LIMCH1: variants seen among roughly 807,000 people sequenced by gnomAD.
LIMCH1 encodes the protein LIM and calponin homology domains 1.
LIMCH1 carries 113 observed loss-of-function variants against 176.5 expected under a neutral mutation model. The ratio of observed to expected loss-of-function variants is 0.64; its 90% CI spans 0.55 to 0.75. The LOEUF is 0.75. LIMCH1 is among the 30% of genes least tolerant of loss of function. The probability of loss-of-function intolerance (pLI) is 0.00; values close to 1 mark genes in which losing one functional copy is unlikely to be tolerated. For synonymous variants in LIMCH1, 619 were observed against 645.9 expected (o/e 0.96, Z 0.63); for missense variants, 1,674 against 1,814.9 (o/e 0.92, Z 1.41).
chr4:41,686,017 A>G (rs553766245), intron 28 of LIMCH1, among the ~76,000 whole-genome samples, 187 bp downstream of exon 28: 70 of 152,302 alleles, frequency 4.6e-4, no homozygotes, highest in South Asian at 1.0e-3. Context: ...TGGCAAGTAA[A>G]TATGTACTCT....
At chr4:41,661,189 A>G (rs2094605628) in intron 18 of LIMCH1, among the ~76,000 whole-genome samples, 1 of 152,188 alleles carries the variant, frequency 6.6e-6, no homozygotes, top group African/African-American at 2.4e-5. Context: ...TGTGCGTCCA[A>G]GGCAGTCATA....
chr4:41,422,681 T>C (rs570479420), intron 1 of LIMCH1, among the ~76,000 whole-genome samples: 6 of 152,332 alleles, frequency 3.9e-5, no homozygotes, highest in African/African-American at 1.4e-4. Context: ...ACTAAAAAGC[T>C]GTTTAGCTTG....
At chr4:41,405,495 G>A (rs1327552426) in intron 1 of LIMCH1, among the ~76,000 whole-genome samples, 1 of 152,016 alleles carries the variant, frequency 6.6e-6, no homozygotes, top group Non-Finnish European at 1.5e-5. Flanking sequence ...ATTCATCTTT[G>A]CTTGGTCTTG....
intron 18 of LIMCH1, among the ~76,000 whole-genome samples, chr4:41,655,756 G>A (rs1266530706): frequency 1.3e-5 from 2 of 151,392 alleles, no homozygotes; most frequent in Admixed American, 6.6e-5. Flanking sequence ...GCAATTCTCC[G>A]GGGCTCAAGG....
intron 1 of LIMCH1, among the ~76,000 whole-genome samples, chr4:41,440,977 T>C (rs11943792): frequency 0.025 from 3,736 of 152,322 alleles, 151 homozygotes; most frequent in African/African-American, 0.085. Context: ...AGTCTTTGAT[T>C]CTGATTGTTC....
chr4:41,367,866 T>TA (rs750045066), intron 1 of LIMCH1, among the ~76,000 whole-genome samples: 6,918 of 90,882 alleles, frequency 0.076, 246 homozygotes, highest in Middle Eastern at 0.16. Context: ...GACTCCATCA[T>TA]AAAAAAAAAA....
intron 10 of LIMCH1, among the ~76,000 whole-genome samples, chr4:41,631,869 A>G (rs1164812195): frequency 6.6e-6 from 1 of 152,222 alleles, no homozygotes; most frequent in Non-Finnish European, 1.5e-5. Flanking sequence ...GAGAGAAAGA[A>G]AAAGTTATTA....
At chr4:41,491,167 C>T (rs1303423633) in intron 1 of LIMCH1, among the ~76,000 whole-genome samples, 23 of 141,734 alleles carry the variant, frequency 1.6e-4, no homozygotes, top group South Asian at 4.6e-4. Flanking sequence ...ACGGGGCGGC[C>T]GGGCAGAGGT....
intron 1 of LIMCH1, among the ~76,000 whole-genome samples, chr4:41,422,273 C>T (rs56953375): frequency 1.2e-3 from 186 of 152,030 alleles, no homozygotes; most frequent in African/African-American, 4.2e-3. Context: ...CTGCAACCTC[C>T]ACCTCCCAGG....
intron 1 of LIMCH1, among the ~76,000 whole-genome samples, chr4:41,476,242 T>C (rs2067722194): frequency 1.3e-5 from 2 of 152,386 alleles, no homozygotes; most frequent in South Asian, 4.1e-4. Context: ...GTTTGTTGGT[T>C]GGTTGGTTAA....
intron 1 of LIMCH1, among the ~76,000 whole-genome samples, chr4:41,390,506 G>T (rs1256120738): frequency 1.3e-5 from 2 of 152,186 alleles, no homozygotes; most frequent in East Asian, 3.9e-4. Flanking sequence ...CCTAGGCTTT[G>T]GCAATTAGGG....
rs10428326 is a variant in LIMCH1 at position 41,502,423 on chromosome 4, C to A, written c.167+7817C>A. Reference sequence around the variant, plus strand: ...TGATTTATATTCCTTTGGGTATATACCCAGTAATGGGATCGCTGGGTCAAA... The same window carrying A: ...TGATTTATATTCCTTTGGGTATATAACCAGTAATGGGATCGCTGGGTCAAA... On this transcript the variant is annotated intron_variant, in intron 2 of 26. Transcript: ENST00000313860. Among the ~76,000 whole-genome samples, 614 of 152,182 alleles carry A rather than the reference C, an allele frequency of 4.0e-3. 5 individuals carry two copies. Among genetic ancestry groups the A allele is most frequent in the African/African-American group, 0.014 (568 of 41,508 alleles).
chr4:41,372,647 C>G (rs539054290), intron 1 of LIMCH1, among the ~76,000 whole-genome samples: 1 of 152,234 alleles, frequency 6.6e-6, no homozygotes, highest in African/African-American at 2.4e-5. Flanking sequence ...ATCAGAAGAC[C>G]TTGGACAACA....
At chr4:41,671,077 TA>T in intron 21 of LIMCH1, 5 of 631,488 alleles carry the variant, frequency 7.9e-6, no homozygotes, top group Non-Finnish European at 7.9e-6. Flanking sequence ...AAAAAAAGAT[TA>T]AAAGCATTTA....
At chr4:41,504,711 T>C (rs2073918636) in intron 2 of LIMCH1, among the ~76,000 whole-genome samples, 1 of 152,262 alleles carries the variant, frequency 6.6e-6, no homozygotes, top group South Asian at 2.1e-4. Context: ...TCCCTTATTC[T>C]CTGGTTTGCT....
intron 1 of LIMCH1, among the ~76,000 whole-genome samples, chr4:41,398,171 T>A (rs1022571186): frequency 7.9e-6 from 1 of 127,300 alleles, no homozygotes; most frequent in African/African-American, 3.7e-5. Flanking sequence ...TTATTAAGAG[T>A]TTTCTTTTTT....
intron 13 of LIMCH1, among the ~76,000 whole-genome samples, chr4:41,637,900 A>C (rs2093658598): frequency 6.6e-6 from 1 of 152,216 alleles, no homozygotes; most frequent in South Asian, 2.1e-4. Flanking sequence ...ACTATTGTGA[A>C]ACTGATCATG....
chr4:41,666,422 A>C, intron 20 of LIMCH1, 139 bp from the exon 21 acceptor site: 4 of 572,310 alleles, frequency 7.0e-6, no homozygotes, highest in Non-Finnish European at 1.2e-5. Flanking sequence ...GAAACAAAAA[A>C]TGAAATGTTT....
intron 2 of LIMCH1, among the ~76,000 whole-genome samples, chr4:41,515,175 C>G (rs1243631793): frequency 6.6e-6 from 1 of 152,226 alleles, no homozygotes; most frequent in Non-Finnish European, 1.5e-5. Flanking sequence ...AGAGTTAAAG[C>G]CCAATTTTGG....
Sources: allele counts gnomAD v4.1 joint callset (sites outside exome capture counted in the v4.1 genomes callset), GRCh38; gene constraint gnomAD v4.1.1; transcripts MANE v1.5; gene names NCBI Gene and HGNC (gene_info 2026-07-23, HGNC 2026-07-21).